Variants in AGMO observed in about 807,000 individuals in gnomAD.
AGMO encodes the protein alkylglycerol monooxygenase, also known as glyceryl-ether monooxygenase.
Under a neutral mutation model 60.2 loss-of-function variants are expected in AGMO, and 75 were observed. The ratio of observed to expected loss-of-function variants is 1.25; its 90% CI spans 1.03 to 1.51. AGMO has a LOEUF of 1.51. Among genes scored for constraint, AGMO ranks in the 40% most tolerant of loss-of-function variants. The pLI, the probability that AGMO is intolerant of heterozygous loss-of-function variation, is 0.00. For missense variants in AGMO, 763 were observed against 525.5 expected (o/e 1.45, Z -4.42); for synonymous variants, 261 against 177.1 (o/e 1.47, Z -3.76).
At chr7:15,292,414 A>G (rs1453479537) in intron 12 of AGMO, among the ~76,000 whole-genome samples, 1 of 152,220 alleles carries the variant, frequency 6.6e-6, no homozygotes, top group Non-Finnish European at 1.5e-5. Flanking sequence ...CGTTTGGGTG[A>G]TAAGAGCAAG....
At chr7:15,183,365 A>G in the AGMO span, among the ~76,000 whole-genome samples, 2 of 152,130 alleles carry the variant, frequency 1.3e-5, no homozygotes, top group Admixed American at 6.6e-5. Context: ...AAGGTGTGTG[A>G]AGTTTGCAAG....
At chr7:15,222,435 C>T (rs538036327) in intron 12 of AGMO, among the ~76,000 whole-genome samples, 11 of 151,962 alleles carry the variant, frequency 7.2e-5, no homozygotes, top group African/African-American at 2.2e-4. Flanking sequence ...GTGGCTAGAG[C>T]GATTGAGATT....
Position 15,387,414 on chromosome 7 carries a change from T to C in AGMO, c.949A>G (p.Ile317Val), listed in dbSNP as rs1379561160. The change falls in exon 9 of 13, where the codon ATT becomes GTT. Residue 317 changes from isoleucine to valine, a missense_variant. Physicochemically the swap from Ile to Val is conservative, Grantham distance 29. Coordinates refer to ENST00000342526, the MANE Select transcript of AGMO (RefSeq NM_001004320.2). ...CTGTGAACTCTATTTACCTCTGGAA[T>C]TTCTTCACTGAGACCAAGTCTTGGT... ...GKPRLGLSEE[I>V]PEVTGKEVPF... 1 of 1,612,878 alleles carries C rather than the reference T, an allele frequency of 6.2e-7. No individual in the cohort carries two copies. Among genetic ancestry groups the C allele is most frequent in the Admixed American group, 1.7e-5 (1 of 59,594 alleles).
chr7:15,236,163 T>C (rs900022589), intron 12 of AGMO, among the ~76,000 whole-genome samples: 3 of 152,112 alleles, frequency 2.0e-5, no homozygotes, highest in African/African-American at 7.2e-5. Context: ...TTTAAAGACA[T>C]TGCAATGATT....
the AGMO span, among the ~76,000 whole-genome samples, chr7:15,156,102 C>G: frequency 3.0e-3 from 459 of 152,286 alleles, 3 homozygotes; most frequent in South Asian, 0.016. Context: ...GGTCCTTGTA[C>G]ATATGCACAC....
intron 12 of AGMO, among the ~76,000 whole-genome samples, chr7:15,349,069 T>C (rs1782136798): frequency 6.6e-6 from 1 of 152,118 alleles, no homozygotes; most frequent in Non-Finnish European, 1.5e-5. Context: ...ACTTTATGAG[T>C]ACAACATGGA....
intron 2 of AGMO, among the ~76,000 whole-genome samples, chr7:15,551,516 C>T (rs1434663349): frequency 7.3e-6 from 1 of 137,428 alleles, no homozygotes; most frequent in African/African-American, 2.7e-5. Context: ...CATTCTTATA[C>T]ACCAACAACA....
At chr7:15,127,348 T>C in the AGMO span, among the ~76,000 whole-genome samples, 136 of 152,166 alleles carry the variant, frequency 8.9e-4, no homozygotes, top group Admixed American at 2.6e-3. Flanking sequence ...CTTTTTATAA[T>C]ATGGCACCAT....
At chr7:15,412,622 T>A (rs1287214447) in intron 5 of AGMO, among the ~76,000 whole-genome samples, 1 of 149,124 alleles carries the variant, frequency 6.7e-6, no homozygotes, top group Non-Finnish European at 1.5e-5. Flanking sequence ...CAAAAGAGAA[T>A]TTAGAGTTCA....
intron 3 of AGMO, among the ~76,000 whole-genome samples, chr7:15,531,220 ATATATT>A (rs1784329847): frequency 5.6e-5 from 5 of 90,058 alleles, no homozygotes; most frequent in Non-Finnish European, 9.7e-5. Flanking sequence ...TATATTCTAT[ATATATT>A]CTATATATAT....
intron 12 of AGMO, chr7:15,306,427 A>C (rs1033953999): frequency 9.0e-6 from 4 of 443,228 alleles, no homozygotes; most frequent in Non-Finnish European, 1.8e-5. Context: ...TTGGTAGAGA[A>C]CTGGATAATA....
chr7:15,118,860 A>C, the AGMO span, among the ~76,000 whole-genome samples: 1 of 141,146 alleles, frequency 7.1e-6, no homozygotes, highest in African/African-American at 2.6e-5. Context: ...GTCTTGGATA[A>C]TTCCCAGACG....
intron 12 of AGMO, among the ~76,000 whole-genome samples, chr7:15,296,954 G>A (rs770787856): frequency 5.3e-5 from 8 of 151,890 alleles, no homozygotes; most frequent in Non-Finnish European, 7.4e-5. Context: ...TCTCTTTTCC[G>A]TTTCTCAAAT....
chr7:15,290,616 G>C (rs1238820702), intron 12 of AGMO, among the ~76,000 whole-genome samples: 1 of 152,154 alleles, frequency 6.6e-6, no homozygotes, highest in Non-Finnish European at 1.5e-5. Context: ...GTCACATAGA[G>C]GAATGGGCAC....
intron 3 of AGMO, among the ~76,000 whole-genome samples, chr7:15,435,788 A>T (rs1286952984): frequency 1.3e-5 from 2 of 152,122 alleles, no homozygotes; most frequent in African/African-American, 4.8e-5. Context: ...TTTTGGAGAA[A>T]TTTTTCAGAA....
intron 1 of AGMO, 65 bp from the exon 2 acceptor site, chr7:15,560,336 G>C: frequency 6.5e-7 from 1 of 1,538,036 alleles, no homozygotes; most frequent in South Asian, 1.2e-5. Context: ...TACATTTCCT[G>C]ATTAGTCATT....
rs1255957369 is a variant in AGMO at position 15,272,041 on chromosome 7, T to C, written c.1264-70682A>G. On this transcript the variant is annotated intron_variant, in intron 12 of 12. Coordinates refer to ENST00000342526, the MANE Select transcript of AGMO (RefSeq NM_001004320.2). Reference sequence around the variant, plus strand: ...TGGAATAAAACCCAGTTGATCATGATGAATTATCTTTTTGATGTGCTACTG... The same window carrying C: ...TGGAATAAAACCCAGTTGATCATGACGAATTATCTTTTTGATGTGCTACTG... 2.0e-5 allele frequency among the ~76,000 whole-genome samples: 3 copies of C among 152,168 alleles called. No homozygotes were observed. In the East Asian group the frequency reaches 5.8e-4, roughly 29 times the overall value.
chr7:15,510,548 C>CAT (rs3076841), intron 3 of AGMO, among the ~76,000 whole-genome samples: 115,163 of 148,338 alleles, frequency 0.78, 44,940 homozygotes, highest in East Asian at 0.96. Context: ...CTATATATAT[C>CAT]ATATATATAT....
At chr7:15,161,567 T>TTTTACATATATGTGTATA in the AGMO span, among the ~76,000 whole-genome samples, 2 of 151,684 alleles carry the variant, frequency 1.3e-5, no homozygotes, top group South Asian at 4.2e-4. Flanking sequence ...CACATGTGGA[T>TTTTACATATATGTGTATA]TTTACATATA....
Sources: allele counts gnomAD v4.1 joint callset (sites outside exome capture counted in the v4.1 genomes callset), GRCh38; gene constraint gnomAD v4.1.1; transcripts MANE v1.5; gene names NCBI Gene and HGNC (gene_info 2026-07-23, HGNC 2026-07-21).